MAP2K5: variants seen among roughly 807,000 people sequenced by gnomAD.
MAP2K5 encodes the protein mitogen-activated protein kinase kinase 5.
MAP2K5 carries 49 observed loss-of-function variants against 83.1 expected under a neutral mutation model. That is an observed-to-expected ratio of 0.59 (90% confidence interval 0.47 to 0.75). The LOEUF is 0.75. Among genes scored for constraint, MAP2K5 ranks in the 30% least tolerant of loss-of-function variants. The pLI, the probability that MAP2K5 is intolerant of heterozygous loss-of-function variation, is 0.00. For missense variants in MAP2K5, 457 were observed against 557.5 expected, an observed-to-expected ratio of 0.82 and a Z score of 1.82; for synonymous variants, 202 against 191.8, an observed-to-expected ratio of 1.05 and a Z score of -0.44.
At chr15:67,669,594 A>C (rs1182351400) in intron 13 of MAP2K5, among the ~76,000 whole-genome samples, 1 of 152,146 alleles carries the variant, frequency 6.6e-6, no homozygotes, top group Non-Finnish European at 1.5e-5. Context: ...GGTAAGTTTC[A>C]GGGGCCCAGA....
At chr15:67,581,751 C>T (rs188228496) in intron 4 of MAP2K5, among the ~76,000 whole-genome samples, 28 of 152,322 alleles carry the variant, frequency 1.8e-4, no homozygotes, top group African/African-American at 6.7e-4. Context: ...CCAGTAGGCT[C>T]CTATTTGCAC....
Position 67,646,232 on chromosome 15 carries a change from T to C in MAP2K5, c.587T>C (p.Val196Ala). Residue 196 changes from valine to alanine, a missense_variant and splice_region_variant, in exon 10 of 22, where the codon GTC (valine) becomes GCC (alanine). By Grantham distance (64) the Val-to-Ala change is moderately conservative (BLOSUM62 0). Transcript: ENST00000178640. Reference sequence around the variant, plus strand: ...ATATTAATACCTTTCTATATTTAGGTCATACTACTAGATATTACACTGGAA... The same window carrying C: ...ATATTAATACCTTTCTATATTTAGGCCATACTACTAGATATTACACTGGAA... The part of the protein sequence containing the change: ...VPSGKILAVK[V>A]ILLDITLELQ... 1 of 1,251,922 alleles carries C rather than the reference T, an allele frequency of 8.0e-7. No homozygotes were observed. Among genetic ancestry groups the C allele is most frequent in the Non-Finnish European group, 1.1e-6 (1 of 881,772 alleles). 77.6% of individuals were successfully genotyped at this position (1,251,922 alleles called of 1,614,324 possible).
In MAP2K5 at chr15:67,626,396, G is replaced by A. The variant is rs549672960; in HGVS notation, c.546-4492G>A. Among the ~76,000 whole-genome samples the A allele has an allele frequency of 1.3e-4, 20 of 151,934 alleles. 1 individual carries two copies. The South Asian group carries it at 4.2e-3, about 32-fold the overall frequency. ...AAAAAAATTAGCCAGGTGTGGTGGT[G>A]GGCTCCTGTAATCCCAGCTCCTTGG... On this transcript the variant is annotated intron_variant, in intron 8 of 21. Transcript: ENST00000178640.
At chr15:67,689,476 A>C (rs1038720706) in intron 13 of MAP2K5, among the ~76,000 whole-genome samples, 1 of 152,150 alleles carries the variant, frequency 6.6e-6, no homozygotes, top group Non-Finnish European at 1.5e-5. Flanking sequence ...ACAAAGCCTT[A>C]ATGATGAGGT....
In MAP2K5 at chr15:67,793,521, G is replaced by A. The variant is rs1235999803; in HGVS notation, c.1243-13125G>A. Among the ~76,000 whole-genome samples the A allele has an allele frequency of 1.3e-5, 2 of 152,008 alleles. No individual in the cohort carries two copies. Among genetic ancestry groups the A allele is most frequent in the Non-Finnish European group, 2.9e-5 (2 of 68,000 alleles). ...CTCCTTCTATTTGGCTGTTTCTCTTGTGCTTTTAATTGGGAAATCAGATAC... is the reference window on the plus strand; with the variant it reads ...CTCCTTCTATTTGGCTGTTTCTCTTATGCTTTTAATTGGGAAATCAGATAC... On this transcript the variant is annotated intron_variant, in intron 21 of 21. Coordinates refer to ENST00000178640, the MANE Select transcript of MAP2K5 (RefSeq NM_145160.3). This position sits in a 1 kb window ranked among gnomAD's most constrained non-coding sequence, Gnocchi z 4.6.
chr15:67,739,472 T>A (rs1407336707), intron 17 of MAP2K5, among the ~76,000 whole-genome samples: 11 of 27,626 alleles, frequency 4.0e-4, no homozygotes, highest in East Asian at 8.2e-4. Context: ...ATTTTTTTTT[T>A]TTTTTTTTTT....
In MAP2K5 at chr15:67,783,506, G is replaced by A. The variant is rs941937154; in HGVS notation, c.1242+10754G>A. 3.9e-5 allele frequency among the ~76,000 whole-genome samples: 6 copies of A among 152,110 alleles called. No individual in the cohort carries two copies. The highest frequency in any genetic ancestry group is 7.4e-5 in the Non-Finnish European group (5 of 68,026). On this transcript the variant is annotated intron_variant, in intron 21 of 21. Transcript: ENST00000178640. This position sits in a 1 kb window ranked among gnomAD's most constrained non-coding sequence, Gnocchi z 5.1. Reference sequence around the variant, plus strand: ...CAACCTCTGTGAAGCTTTGCTAAGCGTGCTTCAGTTGGGTTGAGGACTTCC... The same window carrying A: ...CAACCTCTGTGAAGCTTTGCTAAGCATGCTTCAGTTGGGTTGAGGACTTCC...
rs2141316178 is a variant in MAP2K5, at chr15:67,779,984, C to G, written c.1242+7232C>G. Among the ~76,000 whole-genome samples, 1 of 152,198 alleles carries G rather than the reference C, an allele frequency of 6.6e-6. No homozygotes were observed. The highest frequency in any genetic ancestry group is 1.9e-4 in the East Asian group (1 of 5,180). On this transcript the variant is annotated intron_variant, in intron 21 of 21. Coordinates refer to ENST00000178640, the MANE Select transcript of MAP2K5 (RefSeq NM_145160.3). The surrounding 1 kb of genome is among the most constrained non-coding windows in gnomAD (Gnocchi z 4.6). The stretch of plus-strand genomic sequence containing the variant: ...TGGTGCCCTCAGCCTAAAAGAGCCT[C>G]CTCTCCCCTCCCCTGGAAGGTCTTG...
chr15:67,625,899 G>A (rs2086308318), intron 8 of MAP2K5, among the ~76,000 whole-genome samples: 1 of 152,110 alleles, frequency 6.6e-6, no homozygotes, highest in Non-Finnish European at 1.5e-5. Context: ...TTCTTGACAA[G>A]CTAATTAAGT....
intron 16 of MAP2K5, among the ~76,000 whole-genome samples, chr15:67,727,254 T>C (rs139734890): frequency 2.0e-4 from 31 of 152,314 alleles, no homozygotes; most frequent in African/African-American, 7.0e-4. Context: ...GGTTGGATCA[T>C]TTTGTTTTTA....
intron 8 of MAP2K5, among the ~76,000 whole-genome samples, chr15:67,626,453 G>C (rs1350612361): frequency 3.3e-5 from 5 of 152,156 alleles, no homozygotes; most frequent in African/African-American, 1.2e-4. Flanking sequence ...CTTGAACCTG[G>C]GTTTCGGAGG....
At chr15:67,608,245 G>A (rs2085824644) in intron 8 of MAP2K5, among the ~76,000 whole-genome samples, 1 of 152,158 alleles carries the variant, frequency 6.6e-6, no homozygotes, top group Non-Finnish European at 1.5e-5. Flanking sequence ...CTGGATTCCT[G>A]TATGTAGTTC....
At chr15:67,646,615 G>A (rs770187824) in intron 11 of MAP2K5, 146 bp downstream of exon 11, 10 of 480,746 alleles carry the variant, frequency 2.1e-5, no homozygotes, top group Admixed American at 2.0e-4. Flanking sequence ...GATTATTTCA[G>A]TGTTAGGGGT....
intron 2 of MAP2K5, among the ~76,000 whole-genome samples, chr15:67,553,063 A>G (rs2084545000): frequency 6.6e-6 from 1 of 152,150 alleles, no homozygotes; most frequent in South Asian, 2.1e-4. Context: ...AATACTGATT[A>G]TTTTAACTAT....
chr15:67,545,247 T>C (rs1043036240), intron 1 of MAP2K5, among the ~76,000 whole-genome samples: 1 of 152,214 alleles, frequency 6.6e-6, no homozygotes, highest in Non-Finnish European at 1.5e-5. Flanking sequence ...AAGCACATGT[T>C]TGATCATGAT....
intron 7 of MAP2K5, among the ~76,000 whole-genome samples, chr15:67,593,545 G>A: frequency 6.6e-6 from 1 of 152,156 alleles, no homozygotes; most frequent in East Asian, 1.9e-4. Flanking sequence ...TCAAGTAAAT[G>A]GACACATCTG....
chr15:67,716,088 G>A (rs2088821259), intron 16 of MAP2K5, among the ~76,000 whole-genome samples: 1 of 152,146 alleles, frequency 6.6e-6, no homozygotes, highest in African/African-American at 2.4e-5. Context: ...CTAGTCACTG[G>A]GGACACTGCT....
intron 13 of MAP2K5, among the ~76,000 whole-genome samples, chr15:67,673,410 A>G (rs926470273): frequency 2.0e-5 from 3 of 152,180 alleles, no homozygotes; most frequent in Non-Finnish European, 4.4e-5. Flanking sequence ...TATAAATTTT[A>G]AGATTAAAAA....
At chr15:67,667,633 C>T (rs1422830787) in intron 13 of MAP2K5, among the ~76,000 whole-genome samples, 2 of 152,024 alleles carry the variant, frequency 1.3e-5, no homozygotes, top group East Asian at 3.9e-4. Context: ...TTTTCTAATG[C>T]CGTTCTTAAA....
Sources: allele counts gnomAD v4.1 joint callset (sites outside exome capture counted in the v4.1 genomes callset), GRCh38; gene constraint gnomAD v4.1.1; non-coding constraint Gnocchi (gnomAD v3.1); transcripts MANE v1.5; gene names NCBI Gene and HGNC (gene_info 2026-07-23, HGNC 2026-07-21).